GRIK3: variants seen among roughly 807,000 people sequenced by gnomAD.
GRIK3 encodes glutamate ionotropic receptor kainate type subunit 3, also known as glutamate receptor ionotropic, kainate 3.
Under a neutral mutation model 102.5 loss-of-function variants are expected in GRIK3, and 29 were observed. The ratio of observed to expected loss-of-function variants is 0.28; its 90% CI spans 0.21 to 0.39. The LOEUF (loss-of-function observed/expected upper bound fraction) is 0.39, where lower values mean the gene tolerates loss of function less well. Among genes scored for constraint, GRIK3 ranks in the 10% least tolerant of loss-of-function variants. GRIK3 has a pLI of 1.00. For synonymous variants in GRIK3, 511 were observed against 504.9 expected (o/e 1.01, Z -0.16); for missense variants, 908 against 1,252.4 (o/e 0.73, Z 4.15).
At chr1:36,940,206 A>G (rs1641703794) in intron 1 of GRIK3, among the ~76,000 whole-genome samples, 1 of 152,250 alleles carries the variant, frequency 6.6e-6, no homozygotes, top group Non-Finnish European at 1.5e-5. Flanking sequence ...GACTTGCCCG[A>G]GCAGAAGCAG....
At chr1:36,907,953 C>T (rs567143465) in intron 1 of GRIK3, among the ~76,000 whole-genome samples, 2 of 152,178 alleles carry the variant, frequency 1.3e-5, no homozygotes, top group Non-Finnish European at 2.9e-5. Flanking sequence ...TCACCTGGGC[C>T]CCTGGAAGCA....
intron 1 of GRIK3, among the ~76,000 whole-genome samples, chr1:36,978,497 G>A (rs1642217465): frequency 6.6e-6 from 1 of 152,190 alleles, no homozygotes; most frequent in South Asian, 2.1e-4. Context: ...AAAATTCAGT[G>A]GCTTAAAGCA....
intron 1 of GRIK3, among the ~76,000 whole-genome samples, chr1:36,966,128 G>T (rs1175870348): frequency 6.6e-6 from 1 of 152,252 alleles, no homozygotes; most frequent in East Asian, 1.9e-4. Flanking sequence ...AGCCAGGAAA[G>T]GGTGCCAGCC....
intron 1 of GRIK3, among the ~76,000 whole-genome samples, chr1:36,952,392 C>CTGAATGAA (rs529074031): frequency 6.6e-6 from 1 of 152,090 alleles, no homozygotes; most frequent in Non-Finnish European, 1.5e-5. Context: ...AGAGCAGGTG[C>CTGAATGAA]TGAATGAATG....
intron 10 of GRIK3, among the ~76,000 whole-genome samples, chr1:36,838,919 G>A (rs373330588): frequency 3.9e-5 from 6 of 152,140 alleles, no homozygotes; most frequent in African/African-American, 9.7e-5. Context: ...TGCATGTCTC[G>A]TCAGGCCTGT....
In GRIK3 at chr1:36,797,471, C is replaced by T. The variant is rs563538343; in HGVS notation, c.*4380G>A. The T allele has an allele frequency of 6.6e-6, 1 of 152,254 alleles. No homozygotes were observed. Among genetic ancestry groups the T allele is most frequent in the Admixed American group, 6.5e-5 (1 of 15,296 alleles). 9.4% of individuals were successfully genotyped at this position (152,254 alleles called of 1,614,324 possible). ...ACTGCCATGGGGACAGAGGGCACGG[C>T]CCTTCCATGGCAGCCAGCAGCCGGG... On this transcript the variant is annotated 3_prime_UTR_variant, in exon 16 of 16. Coordinates refer to ENST00000373091, the MANE Select transcript of GRIK3 (RefSeq NM_000831.4).
intron 1 of GRIK3, among the ~76,000 whole-genome samples, chr1:37,018,055 C>T (rs1484881251): frequency 6.6e-6 from 1 of 152,228 alleles, no homozygotes; most frequent in Non-Finnish European, 1.5e-5. Context: ...CCCCAATCAC[C>T]TTTCCCCATG....
At chr1:36,833,073 T>C (rs1412137872) in intron 10 of GRIK3, among the ~76,000 whole-genome samples, 3 of 152,148 alleles carry the variant, frequency 2.0e-5, no homozygotes, top group African/African-American at 7.2e-5. Flanking sequence ...TTTCACTCAC[T>C]GATGTGTCTG....
chr1:36,814,739 C>T (rs959054596), intron 13 of GRIK3, among the ~76,000 whole-genome samples: 12 of 152,062 alleles, frequency 7.9e-5, no homozygotes, highest in Non-Finnish European at 1.8e-4. Context: ...CCATTACACA[C>T]ACACAGGTCC....
At position 36,872,519 on chromosome 1, in the gene GRIK3, C is replaced by A. The variant is rs778891834; in HGVS notation, c.551-150G>T. On this transcript the variant is annotated intron_variant, in intron 3 of 15. Transcript: ENST00000373091. This position sits in a 1 kb window ranked among gnomAD's most constrained non-coding sequence, Gnocchi z 5.9. ...AACGTGGCCCACAGAGACTTGTGCA[C>A]GTGCATGGACAACACTGGAGAGCAG... The A allele has an allele frequency of 5.0e-6, 3 of 596,680 alleles. No homozygotes were observed. The highest frequency in any genetic ancestry group is 3.4e-5 in the Admixed American group (1 of 29,160). The allele number at this position is 596,680 out of a possible 1,614,324, so 37.0% of individuals were successfully genotyped here. A position where few individuals can be genotyped will look rare whatever the true frequency, so the allele number is the denominator to read the frequency against.
At chr1:36,896,255 T>G (rs1570785691) in intron 1 of GRIK3, among the ~76,000 whole-genome samples, 1 of 152,300 alleles carries the variant, frequency 6.6e-6, no homozygotes, top group East Asian at 1.9e-4. Flanking sequence ...CTTAATTGAT[T>G]TAACAGACAA....
At position 36,819,467 on chromosome 1, in the gene GRIK3, A is replaced by T. The variant is rs547557501; in HGVS notation, c.1873+269T>A. 8.5e-5 allele frequency among the ~76,000 whole-genome samples: 13 copies of T among 152,298 alleles called. No homozygotes were observed. The highest frequency in any genetic ancestry group is 2.6e-4 in the African/African-American group (11 of 41,576). The stretch of plus-strand genomic sequence containing the variant: ...CTATGTCCACCTCAGCTGGAGCAGG[A>T]GGTGGGGGATGCGTCCCGCATGCCC... On this transcript the variant is annotated intron_variant, in intron 12 of 15. Coordinates refer to ENST00000373091, the MANE Select transcript of GRIK3 (RefSeq NM_000831.4). This position sits in a 1 kb window ranked among gnomAD's most constrained non-coding sequence, Gnocchi z 4.1.
intron 1 of GRIK3, among the ~76,000 whole-genome samples, chr1:37,023,308 C>G (rs1284192310): frequency 7.1e-6 from 1 of 140,260 alleles, no homozygotes; most frequent in Non-Finnish European, 1.5e-5. Context: ...GCCTAAGCAA[C>G]AGAGTGAGAC....
chr1:37,030,517 C>A (rs948849370), intron 1 of GRIK3, among the ~76,000 whole-genome samples: 1 of 150,038 alleles, frequency 6.7e-6, no homozygotes, highest in African/African-American at 2.5e-5. Context: ...AGAGCTGGGC[C>A]AACCCTTCCT....
chr1:36,824,462 T>A (rs1642731764), intron 11 of GRIK3, among the ~76,000 whole-genome samples: 1 of 152,024 alleles, frequency 6.6e-6, no homozygotes, highest in Admixed American at 6.6e-5. Flanking sequence ...GCACAGGGCC[T>A]GGGGAGCAGG....
At chr1:37,018,995 A>G (rs1642681932) in intron 1 of GRIK3, among the ~76,000 whole-genome samples, 2 of 151,988 alleles carry the variant, frequency 1.3e-5, no homozygotes, top group African/African-American at 4.8e-5. Flanking sequence ...TTTCCCTCCC[A>G]CCCTCCAAGA....
rs1640574577 is a variant in GRIK3 at position 36,850,731 on chromosome 1, CA to C, written c.1213-308del. Reference sequence around the variant, plus strand: ...GAGACAGCAAATGCGAAGGCAGCCCCAGGGGTCTCAGGGCTGAGCAGATGCC... The same window carrying C: ...GAGACAGCAAATGCGAAGGCAGCCCCGGGGTCTCAGGGCTGAGCAGATGCC... On this transcript the variant is annotated intron_variant, in intron 8 of 15. Coordinates refer to ENST00000373091, the MANE Select transcript of GRIK3 (RefSeq NM_000831.4). This position sits in a 1 kb window ranked among gnomAD's most constrained non-coding sequence, Gnocchi z 4.0. 6.6e-6 allele frequency among the ~76,000 whole-genome samples: 1 copy of C among 152,198 alleles called. No individual in the cohort carries two copies. Among genetic ancestry groups the C allele is most frequent in the South Asian group, 2.1e-4 (1 of 4,826 alleles).
At chr1:36,918,928 CCAAGGA>C (rs750566357) in intron 1 of GRIK3, among the ~76,000 whole-genome samples, 5 of 152,338 alleles carry the variant, frequency 3.3e-5, no homozygotes, top group African/African-American at 7.2e-5. Context: ...CAATGACAGG[CCAAGGA>C]CTGTTCCAGG....
chr1:37,024,333 A>T (rs1012906822), intron 1 of GRIK3, among the ~76,000 whole-genome samples: 26 of 152,128 alleles, frequency 1.7e-4, no homozygotes, highest in African/African-American at 6.0e-4. Flanking sequence ...GGTGATCATA[A>T]TAGTAGGAAT....
Sources: allele counts gnomAD v4.1 joint callset (sites outside exome capture counted in the v4.1 genomes callset), GRCh38; gene constraint gnomAD v4.1.1; non-coding constraint Gnocchi (gnomAD v3.1); transcripts MANE v1.5; gene names NCBI Gene and HGNC (gene_info 2026-07-23, HGNC 2026-07-21).